The following SPATA22 variants were observed in gnomAD, a reference collection of about 807,000 sequenced individuals.
SPATA22 encodes spermatogenesis associated 22, also known as spermatogenesis-associated protein 22.
In SPATA22, 29 loss-of-function variants were observed where a neutral mutation model predicts 47.8. The ratio of observed to expected loss-of-function variants is 0.61; its 90% confidence interval spans 0.45 to 0.83. SPATA22 has a LOEUF of 0.83. Ranked by LOEUF, SPATA22 falls within the 40% of genes least tolerant of loss-of-function variation. The probability of loss-of-function intolerance (pLI) is 0.00; values close to 1 mark genes in which losing one functional copy is unlikely to be tolerated. For synonymous variants in SPATA22, 133 were observed against 140.9 expected (o/e 0.94, Z 0.40); for missense variants, 410 against 421.7 (o/e 0.97, Z 0.24).
chr17:3,499,051 C>T lies in SPATA22; in HGVS notation c.-74+14361G>A, dbSNP rs763869261. The T allele has an allele frequency of 5.0e-6, 8 of 1,613,968 alleles. No individual in the cohort carries two copies. Among genetic ancestry groups the T allele is most frequent in the East Asian group, 2.2e-5 (1 of 44,890 alleles). On this transcript the variant is annotated intron_variant, in intron 1 of 8. Transcript: ENST00000541913. ...GCTTTTGCAAAGACAACTAAACTAACGCTCAATGCAAAAAGTATTCGCTGC... is the reference window on the plus strand; with the variant it reads ...GCTTTTGCAAAGACAACTAAACTAATGCTCAATGCAAAAAGTATTCGCTGC...
intron 1 of SPATA22, among the ~76,000 whole-genome samples, chr17:3,483,900 C>A (rs979185359): frequency 6.6e-6 from 1 of 152,172 alleles, no homozygotes. Context: ...TCAGGTGATG[C>A]ACCTGCCTCA....
At chr17:3,443,060 C>A in intron 8 of SPATA22, 114 bp downstream of exon 8, 1 of 699,792 alleles carries the variant, frequency 1.4e-6, no homozygotes, top group South Asian at 2.2e-5. Flanking sequence ...AGAACTAAAA[C>A]CAGTGTTAAA....
intron 3 of SPATA22, among the ~76,000 whole-genome samples, chr17:3,466,597 A>G (rs1262410325): frequency 2.0e-5 from 3 of 152,228 alleles, no homozygotes; most frequent in Admixed American, 2.0e-4. Context: ...CTCATGTGCC[A>G]GTTGAAGCTG....
chr17:3,483,311 A>G (rs1013740398), intron 1 of SPATA22, among the ~76,000 whole-genome samples: 1 of 152,192 alleles, frequency 6.6e-6, no homozygotes, highest in African/African-American at 2.4e-5. Flanking sequence ...TATGAATTTC[A>G]TATTGTATAA....
At chr17:3,510,329 G>A (rs1377715839) in intron 1 of SPATA22, among the ~76,000 whole-genome samples, 1 of 152,150 alleles carries the variant, frequency 6.6e-6, no homozygotes, top group Non-Finnish European at 1.5e-5. Flanking sequence ...ATGCAAATAC[G>A]TACAAAGGTG....
intron 1 of SPATA22, among the ~76,000 whole-genome samples, chr17:3,486,298 T>A (rs1034948877): frequency 6.6e-6 from 1 of 152,148 alleles, no homozygotes; most frequent in African/African-American, 2.4e-5. Context: ...AAGACCCCAT[T>A]CCTAACTTCC....
intron 5 of SPATA22, among the ~76,000 whole-genome samples, chr17:3,456,862 GC>G (rs1230041937): frequency 5.3e-5 from 8 of 151,288 alleles, no homozygotes; most frequent in Non-Finnish European, 1.0e-4. Flanking sequence ...GATCAAGTGG[GC>G]TTCATCCCTG....
intron 6 of SPATA22, among the ~76,000 whole-genome samples, chr17:3,448,319 G>A (rs1205162324): frequency 1.3e-5 from 2 of 152,208 alleles, no homozygotes; most frequent in Admixed American, 1.3e-4. Context: ...TTGGAGGAGA[G>A]CAGTGTCCAT....
At chr17:3,469,891 C>G (rs145099752) in intron 1 of SPATA22, among the ~76,000 whole-genome samples, 1 of 152,188 alleles carries the variant, frequency 6.6e-6, no homozygotes, top group African/African-American at 2.4e-5. Context: ...GTCAGGAGTT[C>G]AAGACCAGCC....
rs1156516378 is a variant in SPATA22 at position 3,450,552 on chromosome 17, ACCCATGGG to A, written c.330-1411_330-1404del. Among the ~76,000 whole-genome samples, 11 of 152,114 alleles carry A rather than the reference ACCCATGGG, an allele frequency of 7.2e-5. No homozygotes were observed. In the East Asian group the frequency reaches 2.1e-3, roughly 29 times the overall value. ...TTTTTTGGACTCAGGCCAGTCTCAAACCCATGGGCACAAGTGATTCTCCTGCCTCAACC... is the reference window on the plus strand; with the variant it reads ...TTTTTTGGACTCAGGCCAGTCTCAAACACAAGTGATTCTCCTGCCTCAACC... On this transcript the variant is annotated intron_variant, in intron 5 of 8. Coordinates refer to ENST00000572969, the MANE Select transcript of SPATA22 (RefSeq NM_001170698.2).
Position 3,471,773 on chromosome 17 carries a change from C to T in SPATA22, c.-165G>A, listed in dbSNP as rs973189671. ...CCGTCAACCGTCGTCCAGGCGGCCC[C>T]GTCAGCAACCGCCGCCCTTCCCGCC... On this transcript the variant is annotated 5_prime_UTR_variant, in exon 1 of 9. Transcript: ENST00000572969. 2.0e-6 allele frequency: 2 copies of T among 985,508 alleles called. No homozygotes were observed. The highest frequency in any genetic ancestry group is 3.5e-5 in the African/African-American group (2 of 57,260). The allele number at this position is 985,508 out of a possible 1,614,324, so 61.0% of individuals were successfully genotyped here. A position where few individuals can be genotyped will look rare whatever the true frequency, so the allele number is the denominator to read the frequency against.
intron 1 of SPATA22, among the ~76,000 whole-genome samples, chr17:3,497,372 C>CTA (rs1456798632): frequency 1.3e-5 from 2 of 152,138 alleles, no homozygotes; most frequent in Non-Finnish European, 2.9e-5. Context: ...AAACAGTGAA[C>CTA]TATAAATGGG....
intron 8 of SPATA22, chr17:3,441,933 C>T (rs1242895545): frequency 6.6e-6 from 1 of 151,786 alleles, no homozygotes; most frequent in Non-Finnish European, 1.5e-5. Flanking sequence ...TTATAAAGTA[C>T]AAAAACAGGC....
chr17:3,475,102 G>C (rs931716908), upstream of SPATA22, among the ~76,000 whole-genome samples: 2 of 152,110 alleles, frequency 1.3e-5, no homozygotes, highest in Admixed American at 6.5e-5. Context: ...AAACAACCTG[G>C]CGTTACTAGT....
chr17:3,461,660 A>G (rs1028610629), intron 5 of SPATA22, among the ~76,000 whole-genome samples: 2 of 152,200 alleles, frequency 1.3e-5, no homozygotes, highest in Non-Finnish European at 2.9e-5. Context: ...ATATTATTTC[A>G]ATGTATTTAT....
At position 3,485,462 on chromosome 17, in the gene SPATA22, G is replaced by A. The variant is rs898862485; in HGVS notation, c.-73-16064C>T. 7.9e-5 allele frequency among the ~76,000 whole-genome samples: 12 copies of A among 152,258 alleles called. No homozygotes were observed. The highest frequency in any genetic ancestry group is 2.2e-4 in the African/African-American group (9 of 41,558). On this transcript the variant is annotated intron_variant, in intron 1 of 8. Transcript: ENST00000541913. This position sits in a 1 kb window ranked among gnomAD's most constrained non-coding sequence, Gnocchi z 4.4. ...CCGGAGGTGGAGGTTGCAGTGAGCCGAGATCATGCCATTGCACTCCAGCCG... is the reference window on the plus strand; with the variant it reads ...CCGGAGGTGGAGGTTGCAGTGAGCCAAGATCATGCCATTGCACTCCAGCCG...
intron 1 of SPATA22, among the ~76,000 whole-genome samples, chr17:3,491,663 G>A (rs538128783): frequency 2.0e-5 from 3 of 151,968 alleles, no homozygotes; most frequent in East Asian, 2.0e-4. Flanking sequence ...CATGAGAATC[G>A]CTTGAACCAA....
chr17:3,446,290 G>A (rs1410928591), intron 7 of SPATA22, among the ~76,000 whole-genome samples, 182 bp downstream of exon 7: 1 of 151,912 alleles, frequency 6.6e-6, no homozygotes, highest in Non-Finnish European at 1.5e-5. Flanking sequence ...TTAGAATGTA[G>A]ACATTTTTAG....
At chr17:3,480,513 G>A (rs1485485034) in intron 1 of SPATA22, among the ~76,000 whole-genome samples, 3 of 152,214 alleles carry the variant, frequency 2.0e-5, no homozygotes, top group Non-Finnish European at 4.4e-5. Context: ...TATCCATCTG[G>A]GTGGTGCCAG....
Sources: allele counts gnomAD v4.1 joint callset (sites outside exome capture counted in the v4.1 genomes callset), GRCh38; gene constraint gnomAD v4.1.1; non-coding constraint Gnocchi (gnomAD v3.1); transcripts MANE v1.5; gene names NCBI Gene and HGNC (gene_info 2026-07-23, HGNC 2026-07-21).